The following NDST4 variants were observed in gnomAD, a reference collection of about 807,000 sequenced individuals.
NDST4 encodes N-deacetylase and N-sulfotransferase 4.
A neutral mutation model predicts 100.8 loss-of-function variants in NDST4; 63 were observed. The observed-to-expected ratio is 0.62, with a 90% CI of 0.51 to 0.77. The LOEUF is 0.77. NDST4 is among the 30% of genes least tolerant of loss of function. The pLI is 0.00. For missense variants in NDST4, 943 were observed against 1,018.4 expected (o/e 0.93, Z 1.01); for synonymous variants, 377 against 361.8 (o/e 1.04, Z -0.48).
intron 6 of NDST4, among the ~76,000 whole-genome samples, chr4:114,912,424 C>T (rs1456189900): frequency 6.6e-6 from 1 of 152,074 alleles, no homozygotes; most frequent in Non-Finnish European, 1.5e-5. Flanking sequence ...AACCATTCTC[C>T]CCAATTACAC....
chr4:115,051,335 T>C (rs546365948), intron 2 of NDST4, among the ~76,000 whole-genome samples: 1 of 152,136 alleles, frequency 6.6e-6, no homozygotes, highest in Non-Finnish European at 1.5e-5. Context: ...ATACAAAATT[T>C]ACCACATTTA....
At chr4:115,008,337 T>G (rs1727466059) in intron 2 of NDST4, among the ~76,000 whole-genome samples, 1 of 129,350 alleles carries the variant, frequency 7.7e-6, no homozygotes. Flanking sequence ...TTGCAGTGGC[T>G]GGTACCAGTT....
chr4:114,943,500 G>C (rs569066500), intron 4 of NDST4, among the ~76,000 whole-genome samples: 25 of 152,092 alleles, frequency 1.6e-4, no homozygotes, highest in Non-Finnish European at 2.9e-4. Flanking sequence ...ACTGAGATTG[G>C]TTAGGTACGT....
chr4:114,831,420 A>T (rs970395869), intron 12 of NDST4, among the ~76,000 whole-genome samples: 1 of 152,132 alleles, frequency 6.6e-6, no homozygotes, highest in African/African-American at 2.4e-5. Flanking sequence ...TTAATTTCCC[A>T]AGAGGAAAAA....
At chr4:114,967,052 C>A (rs1352622873) in intron 4 of NDST4, among the ~76,000 whole-genome samples, 1 of 152,064 alleles carries the variant, frequency 6.6e-6, no homozygotes, top group Non-Finnish European at 1.5e-5. Flanking sequence ...GCTATCCTAT[C>A]CTATCTTGAT....
intron 4 of NDST4, among the ~76,000 whole-genome samples, chr4:114,969,651 CT>C (rs1726464760): frequency 6.6e-6 from 1 of 152,148 alleles, no homozygotes; most frequent in African/African-American, 2.4e-5. Flanking sequence ...TAATCTCATT[CT>C]TTTTTATGGC....
intron 2 of NDST4, among the ~76,000 whole-genome samples, chr4:115,024,234 T>C (rs1037811423): frequency 2.6e-5 from 4 of 152,052 alleles, no homozygotes; most frequent in African/African-American, 9.7e-5. Context: ...AGTGAAGCCA[T>C]GAAGGTGGGG....
intron 6 of NDST4, among the ~76,000 whole-genome samples, chr4:114,876,052 G>A (rs1724248315): frequency 1.3e-5 from 2 of 152,092 alleles, no homozygotes; most frequent in Non-Finnish European, 2.9e-5. Flanking sequence ...ATCATGTGCA[G>A]AATAGTCAGA....
At chr4:114,933,734 C>T (rs1376523362) in intron 6 of NDST4, among the ~76,000 whole-genome samples, 1 of 151,936 alleles carries the variant, frequency 6.6e-6, no homozygotes, top group African/African-American at 2.4e-5. Flanking sequence ...CATACAAATG[C>T]CCAACAGGTA....
intron 12 of NDST4, among the ~76,000 whole-genome samples, chr4:114,831,219 A>AT (rs931886714): frequency 6.8e-6 from 1 of 147,988 alleles, no homozygotes; most frequent in African/African-American, 2.6e-5. Context: ...CGCCCGGCTA[A>AT]TTTTTTGTAT....
At chr4:114,958,770 C>G (rs987717236) in intron 4 of NDST4, among the ~76,000 whole-genome samples, 4 of 152,172 alleles carry the variant, frequency 2.6e-5, no homozygotes, top group Non-Finnish European at 5.9e-5. Context: ...AATTTCTGCA[C>G]CCAGCTTGAA....
At chr4:114,986,836 T>TTTA (rs1726925019) in intron 2 of NDST4, among the ~76,000 whole-genome samples, 1 of 84,588 alleles carries the variant, frequency 1.2e-5, no homozygotes, top group East Asian at 4.7e-4. Context: ...ATATATATTT[T>TTTA]AATATACTAT....
intron 7 of NDST4, among the ~76,000 whole-genome samples, chr4:114,857,288 C>T (rs72679762): frequency 0.073 from 11,141 of 152,160 alleles, 467 homozygotes; most frequent in African/African-American, 0.09. Flanking sequence ...TCATTAGTCA[C>T]TAATGTGATC....
intron 6 of NDST4, among the ~76,000 whole-genome samples, chr4:114,895,255 A>T (rs1391571656): frequency 6.6e-6 from 1 of 152,158 alleles, no homozygotes; most frequent in African/African-American, 2.4e-5. Flanking sequence ...AAGAAAGAAG[A>T]AGAGAGAGAA....
chr4:115,096,383 C>T lies in NDST4; in HGVS notation c.-247+17061G>A, dbSNP rs188337164. On this transcript the variant is annotated intron_variant, in intron 1 of 13. Transcript: ENST00000264363. ...TTTAGTTCATTAACTATCTTTTCTC[C>T]TAGATGACTGTTTCATATTTTTCTC... Among the ~76,000 whole-genome samples, 32 of 152,092 alleles carry T rather than the reference C, an allele frequency of 2.1e-4. No homozygotes were observed. The East Asian group carries it at 4.8e-3, about 23-fold the overall frequency.
chr4:115,044,501 G>C (rs1728423403), intron 2 of NDST4, among the ~76,000 whole-genome samples: 2 of 151,988 alleles, frequency 1.3e-5, no homozygotes, highest in South Asian at 4.2e-4. Flanking sequence ...GTCCTCCAGA[G>C]ATTCTGTGAT....
chr4:114,976,633 A>G (rs984811274), intron 3 of NDST4, among the ~76,000 whole-genome samples: 7 of 151,910 alleles, frequency 4.6e-5, no homozygotes, highest in Non-Finnish European at 7.4e-5. Flanking sequence ...ATACAAGTCT[A>G]ATTGTGATGG....
At chr4:115,071,498 C>A (rs1300495593) in intron 2 of NDST4, among the ~76,000 whole-genome samples, 1 of 152,008 alleles carries the variant, frequency 6.6e-6, no homozygotes, top group African/African-American at 2.4e-5. Context: ...GAACAGAATA[C>A]CTCTTTCATA....
At chr4:114,986,557 C>T (rs72896727) in intron 2 of NDST4, among the ~76,000 whole-genome samples, 1 of 151,820 alleles carries the variant, frequency 6.6e-6, no homozygotes, top group Non-Finnish European at 1.5e-5. Context: ...GTCCTAATCT[C>T]TCTTTCAATT....
Sources: gnomAD v4.1 joint callset for allele counts (sites outside exome capture counted in the v4.1 genomes callset) on GRCh38, gnomAD v4.1.1 for gene constraint, MANE v1.5 for transcripts, NCBI Gene and HGNC (gene_info 2026-07-23, HGNC 2026-07-21) for gene names.